The following GPR143 variants were observed in gnomAD, a reference collection of about 807,000 sequenced individuals.
The protein encoded by GPR143 is G-protein coupled receptor 143.
A neutral mutation model predicts 27.6 loss-of-function variants in GPR143; 8 were observed. The observed-to-expected ratio is 0.29, with a 90% confidence interval of 0.17 to 0.52. The LOEUF (loss-of-function observed/expected upper bound fraction) is 0.52, where lower values mean the gene tolerates loss of function less well. GPR143 is among the 20% of genes least tolerant of loss of function. The pLI is 0.96. For synonymous variants in GPR143, 156 were observed against 153.2 expected (o/e 1.02, Z -0.13); for missense variants, 303 against 343.1 (o/e 0.88, Z 0.92).
At chrX:9,741,056 G>C in intron 7 of GPR143, 1 of 283,707 alleles carries the variant, frequency 3.5e-6, no homozygotes, top group Admixed American at 5.9e-5. Flanking sequence ...ACTTCTGACT[G>C]CTTCTTTTTC....
At chrX:9,769,337 C>T (rs1388132806), upstream of GPR143, among the ~76,000 whole-genome samples, 1 of 111,730 alleles carries the variant, frequency 9.0e-6, no homozygotes, top group Non-Finnish European at 1.9e-5. Context: ...ACCATTCCCA[C>T]TTGATCAGAT....
intron 1 of GPR143, among the ~76,000 whole-genome samples, chrX:9,776,284 C>G (rs1444099350): frequency 8.9e-6 from 1 of 112,680 alleles, no homozygotes; most frequent in Non-Finnish European, 1.9e-5. Flanking sequence ...GGTTTAAGTG[C>G]AGTGGCCCTT....
intron 8 of GPR143, among the ~76,000 whole-genome samples, chrX:9,733,009 A>G (rs181908608): frequency 3.6e-5 from 4 of 110,793 alleles, no homozygotes; most frequent in African/African-American, 1.3e-4. Flanking sequence ...AGACAAAAGG[A>G]ATTATGGGAG....
chrX:9,762,018 C>T (rs1282640820), intron 1 of GPR143, among the ~76,000 whole-genome samples: 1 of 111,597 alleles, frequency 9.0e-6, no homozygotes, highest in Non-Finnish European at 1.9e-5. Context: ...GCCCGGAAGG[C>T]GGAGGTTGCA....
upstream of GPR143, among the ~76,000 whole-genome samples, chrX:9,770,048 T>C (rs1045032854): frequency 3.7e-5 from 4 of 107,076 alleles, no homozygotes; most frequent in Admixed American, 1.0e-4. Flanking sequence ...CAGTGGCTTA[T>C]GTCTGTAATC....
At chrX:9,764,619 T>C (rs2083519519) in intron 1 of GPR143, among the ~76,000 whole-genome samples, 1 of 111,337 alleles carries the variant, frequency 9.0e-6, no homozygotes, top group Non-Finnish European at 1.9e-5. Flanking sequence ...TCTTTTCTGG[T>C]CTGGGTTTTG....
At position 9,725,784 on chromosome X, in the gene GPR143, C is replaced by G. The variant is rs1479284189; in HGVS notation, c.1177G>C (p.Glu393Gln). 5.8e-6 allele frequency: 7 copies of G among 1,210,124 alleles called. No homozygotes were observed. The highest frequency in any genetic ancestry group is 6.7e-6 in the Non-Finnish European group (6 of 894,490). The change falls in exon 9 of 9, where the codon GAG (glutamate) becomes CAG (glutamine). Residue 393 changes from glutamate to glutamine, a missense_variant. Coordinates refer to ENST00000467482, the MANE Select transcript of GPR143 (RefSeq NM_000273.3). ...TGGGTTGGGAGAGCAGGGTCACCCT[C>G]ATTTTTGTTGCAGGATTCACTTGCA... The part of the protein sequence containing the change: ...HTASESCNKN[E>Q]GDPALPTHGD...
intron 1 of GPR143, 52 bp from the exon 2 acceptor site, chrX:9,760,878 C>G: frequency 1.5e-6 from 1 of 666,691 alleles, no homozygotes; most frequent in Non-Finnish European, 2.4e-6. Flanking sequence ...AAATATAAAG[C>G]TGACTTCTTG....
chrX:9,758,395 CAG>C (rs759849075), intron 3 of GPR143, among the ~76,000 whole-genome samples: 46 of 111,334 alleles, frequency 4.1e-4, no homozygotes, highest in Non-Finnish European at 7.1e-4. Context: ...GCTGAGAAAA[CAG>C]AAGTCCAGAG....
intron 1 of GPR143, among the ~76,000 whole-genome samples, chrX:9,773,504 CACACACAT>C (rs777798096): frequency 1.8e-4 from 19 of 105,796 alleles, no homozygotes; most frequent in African/African-American, 6.0e-4. Context: ...CACACACACA[CACACACAT>C]AAACACACAC....
At chrX:9,776,176 T>C (rs948903387) in intron 1 of GPR143, among the ~76,000 whole-genome samples, 2 of 111,872 alleles carry the variant, frequency 1.8e-5, no homozygotes, top group Non-Finnish European at 3.8e-5. Flanking sequence ...GCGGAGACAT[T>C]GTCTGTGATG....
chrX:9,773,094 C>T (rs968475379), intron 1 of GPR143, among the ~76,000 whole-genome samples: 7 of 111,589 alleles, frequency 6.3e-5, no homozygotes, highest in Non-Finnish European at 1.1e-4. Flanking sequence ...ACATCAAGTA[C>T]GGTGTTTTAC....
In GPR143 at chrX:9,765,552, CCG is replaced by C. The variant is rs1431722100; in HGVS notation, c.250+14_250+15del. ...CGCTGATCAGATTCCAACCCGCGGG[CCG>C]CGCGCGCCCTTACCCAGGCAGCCGA... On this transcript the variant is annotated intron_variant, in intron 1 of 8. Transcript: ENST00000467482. 2.8e-6 allele frequency: 3 copies of C among 1,083,613 alleles called. No individual in the cohort carries two copies. Among genetic ancestry groups the C allele is most frequent in the Admixed American group, 3.0e-5 (1 of 33,046 alleles). 89.3% of individuals were successfully genotyped at this position (1,083,613 alleles called of 1,213,427 possible).
At position 9,728,413 on chromosome X, in the gene GPR143, AT is replaced by A. The variant is rs199879765; in HGVS notation, c.1121-2574del. On this transcript the variant is annotated intron_variant, in intron 8 of 8. Transcript: ENST00000467482. The stretch of plus-strand genomic sequence containing the variant: ...ATGTTAAGGAACAAAAAAAAAAAAA[AT>A]TAGAGTTATATAGAAAAGAGGAAGT... Among the ~76,000 whole-genome samples, 1,035 of 106,587 alleles carry A rather than the reference AT, an allele frequency of 9.7e-3. 14 individuals carry two copies. The highest frequency in any genetic ancestry group is 0.035 in the African/African-American group (1,005 of 28,445). The allele number at this position is 106,587 out of a possible 115,157, so 92.6% of individuals were successfully genotyped here.
chrX:9,761,102 C>CT (rs924580154), intron 1 of GPR143, among the ~76,000 whole-genome samples: 21 of 109,482 alleles, frequency 1.9e-4, no homozygotes, highest in East Asian at 5.7e-4. Flanking sequence ...TTTTATTTAT[C>CT]TTTTTTTTTG....
At chrX:9,726,101 T>A in intron 8 of GPR143, 1 of 429,711 alleles carries the variant, frequency 2.3e-6, no homozygotes, top group Non-Finnish European at 2.9e-6. Flanking sequence ...TCTAGGCCAG[T>A]TGATTGATAG....
chrX:9,754,310 C>T (rs2083464461), intron 3 of GPR143, among the ~76,000 whole-genome samples: 1 of 111,890 alleles, frequency 8.9e-6, no homozygotes, highest in Admixed American at 9.5e-5. Context: ...TTTTGCCTCC[C>T]ACACTGTGAC....
chrX:9,751,105 G>A (rs1159183425), intron 3 of GPR143, among the ~76,000 whole-genome samples: 5 of 112,779 alleles, frequency 4.4e-5, no homozygotes, highest in South Asian at 7.1e-4. Context: ...TCTCAGAGCC[G>A]TGAGTTGCTC....
intron 1 of GPR143, among the ~76,000 whole-genome samples, chrX:9,764,372 G>T (rs1481496508): frequency 9.0e-6 from 1 of 111,029 alleles, no homozygotes; most frequent in African/African-American, 3.3e-5. Context: ...GGCAGGATTT[G>T]GTCTGAGGGC....
Sources: gnomAD v4.1 joint callset for allele counts (sites outside exome capture counted in the v4.1 genomes callset) on GRCh38, gnomAD v4.1.1 for gene constraint, MANE v1.5 for transcripts, NCBI Gene and HGNC (gene_info 2026-07-23, HGNC 2026-07-21) for gene names.